The following ERC2 variants were observed in gnomAD, a reference collection of about 807,000 sequenced individuals.
ERC2 encodes the protein ELKS/RAB6-interacting/CAST family member 2.
Under a neutral mutation model 114.8 loss-of-function variants are expected in ERC2, and 42 were observed. The ratio of observed to expected loss-of-function variants is 0.37; its 90% CI spans 0.29 to 0.47. ERC2 has a LOEUF of 0.47. Among genes scored for constraint, ERC2 ranks in the 20% least tolerant of loss-of-function variants. The pLI is 0.99. For synonymous variants in ERC2, 454 were observed against 425.5 expected (o/e 1.07, Z -0.82); for missense variants, 939 against 1,150.7 (o/e 0.82, Z 2.66).
intron 2 of ERC2, among the ~76,000 whole-genome samples, chr3:56,360,939 A>G (rs1433312910): frequency 6.6e-6 from 1 of 152,106 alleles, no homozygotes; most frequent in Non-Finnish European, 1.5e-5. Flanking sequence ...TAAAAATAAA[A>G]AGAGTTCATC....
chr3:55,591,078 T>G (rs968822448), intron 17 of ERC2, among the ~76,000 whole-genome samples: 1 of 152,118 alleles, frequency 6.6e-6, no homozygotes, highest in African/African-American at 2.4e-5. Context: ...CCACCCACCT[T>G]GGCCTCCCAA....
chr3:56,369,867 G>T (rs2059297485), intron 2 of ERC2, among the ~76,000 whole-genome samples: 1 of 152,084 alleles, frequency 6.6e-6, no homozygotes, highest in African/African-American at 2.4e-5. Context: ...AGTAGAGACG[G>T]GGTTTCACCA....
chr3:55,619,168 A>G (rs2059236037), intron 17 of ERC2, among the ~76,000 whole-genome samples: 1 of 152,242 alleles, frequency 6.6e-6, no homozygotes, highest in Non-Finnish European at 1.5e-5. Context: ...GGCACTTGCC[A>G]ACTGAAAAAT....
chr3:56,223,174 T>C (rs1452217), intron 3 of ERC2, among the ~76,000 whole-genome samples: 121,789 of 152,200 alleles, frequency 0.8, 50,656 homozygotes, highest in South Asian at 0.93. Flanking sequence ...CATCTCTTCA[T>C]GTTCCATTTT....
intron 17 of ERC2, among the ~76,000 whole-genome samples, chr3:55,651,239 C>G (rs1485670956): frequency 6.6e-6 from 1 of 152,060 alleles, no homozygotes; most frequent in South Asian, 2.1e-4. Context: ...TTCTGCAAGT[C>G]CACAGCCTCC....
chr3:55,524,862 G>C (rs542671358), intron 17 of ERC2, among the ~76,000 whole-genome samples: 1 of 152,178 alleles, frequency 6.6e-6, no homozygotes, highest in Non-Finnish European at 1.5e-5. Context: ...AAAGCTACAT[G>C]TGCCAAAGCA....
intron 4 of ERC2, among the ~76,000 whole-genome samples, chr3:56,163,807 T>C (rs1450582110): frequency 1.3e-5 from 2 of 152,096 alleles, no homozygotes; most frequent in East Asian, 3.9e-4. Flanking sequence ...ATAAATCTTG[T>C]CTTTTGATCC....
chr3:55,866,077 G>C (rs922243227), intron 14 of ERC2, among the ~76,000 whole-genome samples: 1 of 152,160 alleles, frequency 6.6e-6, no homozygotes, highest in Non-Finnish European at 1.5e-5. Flanking sequence ...ACTGGCAAAT[G>C]TATGAGGTTT....
intron 13 of ERC2, among the ~76,000 whole-genome samples, chr3:55,924,444 T>C (rs1209478268): frequency 6.6e-6 from 1 of 152,170 alleles, no homozygotes; most frequent in South Asian, 2.1e-4. Flanking sequence ...ACCAGTGTTC[T>C]AGATATTCTA....
chr3:55,642,754 G>A (rs1456302948), intron 17 of ERC2, among the ~76,000 whole-genome samples: 3 of 152,142 alleles, frequency 2.0e-5, no homozygotes, highest in African/African-American at 7.2e-5. Context: ...GGTGAAGGGA[G>A]AGGAATGGAG....
At chr3:55,877,548 G>GTTTTTTCTTTT (rs2062917042) in intron 14 of ERC2, among the ~76,000 whole-genome samples, 1 of 135,348 alleles carries the variant, frequency 7.4e-6, no homozygotes. Context: ...GTCTCACTCT[G>GTTTTTTCTTTT]TCACTCAGGC....
intron 6 of ERC2, among the ~76,000 whole-genome samples, chr3:56,125,584 A>C (rs996690005): frequency 4.4e-4 from 67 of 152,288 alleles, no homozygotes; most frequent in African/African-American, 1.6e-3. Flanking sequence ...AAGATTTCCG[A>C]AAGTTTCAAC....
chr3:56,143,588 T>A (rs775991240), intron 5 of ERC2, among the ~76,000 whole-genome samples: 1 of 152,212 alleles, frequency 6.6e-6, no homozygotes, highest in Non-Finnish European at 1.5e-5. Flanking sequence ...CCACCATGAT[T>A]GTGAGGCCTC....
intron 13 of ERC2, among the ~76,000 whole-genome samples, chr3:55,903,789 A>G (rs1049334263): frequency 2.6e-5 from 4 of 152,238 alleles, no homozygotes; most frequent in Admixed American, 1.3e-4. Context: ...TCTCACTGGC[A>G]TGGAGGCCAG....
chr3:56,391,043 A>G (rs1231223813), intron 2 of ERC2, among the ~76,000 whole-genome samples: 1 of 152,220 alleles, frequency 6.6e-6, no homozygotes, highest in Non-Finnish European at 1.5e-5. Context: ...TGGGAACAAC[A>G]GCTCTTGCAC....
chr3:55,662,979 G>T (rs1436006772), intron 17 of ERC2, among the ~76,000 whole-genome samples: 1 of 152,052 alleles, frequency 6.6e-6, no homozygotes, highest in Non-Finnish European at 1.5e-5. Context: ...GCACATAGAA[G>T]GTACTCAATA....
rs964559484 is a variant in ERC2 at position 56,435,157 on chromosome 3, G to A, written c.-140-10C>T. On this transcript the variant is annotated splice_polypyrimidine_tract_variant and intron_variant, in intron 1 of 17. Coordinates refer to ENST00000288221, the MANE Select transcript of ERC2 (RefSeq NM_015576.3). Reference sequence around the variant, plus strand: ...AACTCCACTCAGAGATCTACAAAGTGAAAAAAAGAATAATTAAAAACAAAT... The same window carrying A: ...AACTCCACTCAGAGATCTACAAAGTAAAAAAAAGAATAATTAAAAACAAAT... 12 of 606,148 alleles carry A rather than the reference G, an allele frequency of 2.0e-5. No homozygotes were observed. The highest frequency in any genetic ancestry group is 2.3e-5 in the South Asian group (1 of 43,880). 37.5% of individuals were successfully genotyped at this position (606,148 alleles called of 1,614,324 possible). A position where few individuals can be genotyped will look rare whatever the true frequency, so the allele number is the denominator to read the frequency against.
chr3:55,989,093 C>T (rs1384289166), intron 11 of ERC2, among the ~76,000 whole-genome samples: 1 of 152,188 alleles, frequency 6.6e-6, no homozygotes, highest in African/African-American at 2.4e-5. Flanking sequence ...TGCTGCTGGA[C>T]GCAAGACACG....
chr3:56,054,112 C>T (rs1328221389), intron 7 of ERC2, among the ~76,000 whole-genome samples: 1 of 152,136 alleles, frequency 6.6e-6, no homozygotes, highest in Non-Finnish European at 1.5e-5. Flanking sequence ...TGTTCTTAGG[C>T]TTAAAGTTAT....
Sources: gnomAD v4.1 joint callset for allele counts (sites outside exome capture counted in the v4.1 genomes callset) on GRCh38, gnomAD v4.1.1 for gene constraint, MANE v1.5 for transcripts, NCBI Gene and HGNC (gene_info 2026-07-23, HGNC 2026-07-21) for gene names.